The following PSD3 variants were observed in gnomAD, a reference collection of about 807,000 sequenced individuals.
PSD3 encodes the protein PH and SEC7 domain-containing protein 3.
A neutral mutation model predicts 105.5 loss-of-function variants in PSD3; 49 were observed. The ratio of observed to expected loss-of-function variants is 0.46; its 90% confidence interval spans 0.37 to 0.59. PSD3 has a LOEUF of 0.59. Among genes scored for constraint, PSD3 ranks in the 20% least tolerant of loss-of-function variants. The pLI is 0.00. For synonymous variants in PSD3, 557 were observed against 457.8 expected (o/e 1.22, Z -2.77); for missense variants, 1,561 against 1,263.8 (o/e 1.24, Z -3.57).
chr8:19,045,823 A>G (rs571353062), intron 1 of PSD3, among the ~76,000 whole-genome samples: 1 of 152,332 alleles, frequency 6.6e-6, no homozygotes, highest in East Asian at 1.9e-4. Flanking sequence ...GATGCTTTAT[A>G]AACATTCTCA....
chr8:18,794,796 G>C lies in PSD3; in HGVS notation c.2082+4499C>G, dbSNP rs1043344779. ...GGGATCCTCCATATGCTGAACGCTG[G>C]TTCCCCGGGTCCCCTTATTTCTTTC... On this transcript the variant is annotated intron_variant, in intron 8 of 15. Coordinates refer to ENST00000327040, the MANE Select transcript of PSD3 (RefSeq NM_015310.4). Among the ~76,000 whole-genome samples, 3 of 24,696 alleles carry C rather than the reference G, an allele frequency of 1.2e-4. 1 individual carries two copies. The highest frequency in any genetic ancestry group is 2.9e-4 in the African/African-American group (3 of 10,522). The allele number at this position is 24,696 out of a possible 152,430, so 16.2% of individuals were successfully genotyped here.
intron 2 of PSD3, among the ~76,000 whole-genome samples, chr8:18,882,922 T>C (rs778064775): frequency 7.2e-5 from 11 of 152,078 alleles, no homozygotes; most frequent in Non-Finnish European, 1.3e-4. Context: ...TATGTCTGTA[T>C]AGATACCTGT....
chr8:18,921,730 G>C (rs1821034157), intron 2 of PSD3, among the ~76,000 whole-genome samples: 1 of 152,228 alleles, frequency 6.6e-6, no homozygotes, highest in South Asian at 2.1e-4. Context: ...ATGGGCAAAA[G>C]TATAAAGTCA....
upstream of PSD3, among the ~76,000 whole-genome samples, chr8:19,016,156 GCTACCATAGCCCCCAGTGC>G (rs1827172319): frequency 2.0e-5 from 3 of 152,164 alleles, no homozygotes; most frequent in Admixed American, 1.3e-4. Flanking sequence ...CCCCATTTCT[GCTACCATAGCCCCCAGTGC>G]TCAAGTTCAG....
intron 4 of PSD3, among the ~76,000 whole-genome samples, chr8:18,821,861 ATG>A (rs869098908): frequency 0.14 from 17,727 of 124,930 alleles, 1,206 homozygotes; most frequent in African/African-American, 0.23. Context: ...ATGCACACAC[ATG>A]CACACACACC....
intron 10 of PSD3, among the ~76,000 whole-genome samples, chr8:18,646,389 T>C (rs1808036138): frequency 1.3e-5 from 2 of 152,006 alleles, no homozygotes; most frequent in Admixed American, 1.3e-4. Flanking sequence ...AGTAAGTCAT[T>C]GCAAAAAAAG....
At chr8:18,671,418 TTTTA>T (rs1449463895) in intron 9 of PSD3, among the ~76,000 whole-genome samples, 1 of 152,200 alleles carries the variant, frequency 6.6e-6, no homozygotes, top group Non-Finnish European at 1.5e-5. Flanking sequence ...TGTTCTGTAT[TTTTA>T]TTTGTGAAAT....
chr8:18,947,121 A>G (rs6982196), intron 1 of PSD3, among the ~76,000 whole-genome samples: 99,406 of 151,870 alleles, frequency 0.65, 32,776 homozygotes, highest in Non-Finnish European at 0.67. Context: ...CAGTAACAAC[A>G]TCAAGTAAAA....
intron 1 of PSD3, among the ~76,000 whole-genome samples, chr8:19,047,624 G>C (rs1828370189): frequency 6.6e-6 from 1 of 152,134 alleles, no homozygotes; most frequent in Admixed American, 6.5e-5. Context: ...TCAAGCCCCA[G>C]GGTCAGGGAC....
At chr8:18,965,447 A>T (rs919737169) in intron 1 of PSD3, among the ~76,000 whole-genome samples, 1 of 152,196 alleles carries the variant, frequency 6.6e-6, no homozygotes, top group Non-Finnish European at 1.5e-5. Context: ...CTCTCATCCC[A>T]TTACCCCGTT....
At chr8:18,968,112 A>G (rs1367858359) in intron 1 of PSD3, among the ~76,000 whole-genome samples, 2 of 152,200 alleles carry the variant, frequency 1.3e-5, no homozygotes, top group African/African-American at 4.8e-5. Flanking sequence ...CCACATTTCT[A>G]TAGTTCCTGA....
At chr8:18,811,798 C>T (rs1811710437) in intron 4 of PSD3, among the ~76,000 whole-genome samples, 3 of 152,130 alleles carry the variant, frequency 2.0e-5, no homozygotes, top group Admixed American at 6.6e-5. Flanking sequence ...AGCAAATGGG[C>T]TTGTGGGATG....
intron 2 of PSD3, among the ~76,000 whole-genome samples, chr8:18,893,798 G>T (rs1045552470): frequency 6.6e-6 from 1 of 152,158 alleles, no homozygotes; most frequent in African/African-American, 2.4e-5. Flanking sequence ...TCTCTCACTG[G>T]CTCACAGGCA....
chr8:18,774,709 T>A, intron 8 of PSD3: 1 of 362,338 alleles, frequency 2.8e-6, no homozygotes, highest in Non-Finnish European at 5.4e-6. Context: ...TTGTAGAACT[T>A]CCTGAGGTTT....
chr8:18,670,658 CATT>C (rs1799734483), intron 9 of PSD3, among the ~76,000 whole-genome samples: 1 of 152,086 alleles, frequency 6.6e-6, no homozygotes, highest in South Asian at 2.1e-4. Context: ...AGAAATGTAT[CATT>C]ATGATATTTA....
At chr8:19,057,498 C>G (rs1828748886) in intron 1 of PSD3, among the ~76,000 whole-genome samples, 2 of 152,212 alleles carry the variant, frequency 1.3e-5, no homozygotes, top group South Asian at 4.1e-4. Context: ...ATTCAATGAT[C>G]TCTACTAGTT....
At chr8:18,749,378 T>C (rs960223441) in intron 9 of PSD3, among the ~76,000 whole-genome samples, 2 of 152,222 alleles carry the variant, frequency 1.3e-5, no homozygotes, top group South Asian at 2.1e-4. Flanking sequence ...TTCCAGATGC[T>C]GCCCAGTTGA....
At chr8:18,605,444 C>T (rs750583998) in intron 11 of PSD3, among the ~76,000 whole-genome samples, 4 of 151,866 alleles carry the variant, frequency 2.6e-5, no homozygotes, top group Admixed American at 6.5e-5. Flanking sequence ...CCCATTGTAT[C>T]TTGGGAGTAA....
At chr8:18,959,502 C>T (rs1023761558) in intron 1 of PSD3, among the ~76,000 whole-genome samples, 1 of 152,102 alleles carries the variant, frequency 6.6e-6, no homozygotes, top group Non-Finnish European at 1.5e-5. Flanking sequence ...CTCCAGTCTC[C>T]TATTCCAACT....
Sources: gnomAD v4.1 joint callset for allele counts (sites outside exome capture counted in the v4.1 genomes callset) on GRCh38, gnomAD v4.1.1 for gene constraint, MANE v1.5 for transcripts, NCBI Gene and HGNC (gene_info 2026-07-23, HGNC 2026-07-21) for gene names.